FSIP1: variants seen among roughly 807,000 people sequenced by gnomAD.
The protein encoded by FSIP1 is fibrous sheath-interacting protein 1.
A neutral mutation model predicts 60.9 loss-of-function variants in FSIP1; 65 were observed. The ratio of observed to expected loss-of-function variants is 1.07; its 90% CI spans 0.87 to 1.31. FSIP1 has a LOEUF of 1.31. Among genes scored for constraint, FSIP1 ranks in the 40% most tolerant of loss-of-function variants. The pLI is 0.00. For synonymous variants in FSIP1, 209 were observed against 221.2 expected, an observed-to-expected ratio of 0.94 and a Z score of 0.49; for missense variants, 675 against 665.5, an observed-to-expected ratio of 1.01 and a Z score of -0.16.
At chr15:39,774,556 C>T (rs910482335) in intron 2 of FSIP1, among the ~76,000 whole-genome samples, 3 of 151,636 alleles carry the variant, frequency 2.0e-5, no homozygotes, top group African/African-American at 2.4e-5. Flanking sequence ...TATGGAAGAG[C>T]CACTATCAGA....
At chr15:39,623,360 G>T (rs1189463391) in intron 10 of FSIP1, among the ~76,000 whole-genome samples, 1 of 152,140 alleles carries the variant, frequency 6.6e-6, no homozygotes, top group African/African-American at 2.4e-5. Context: ...CTTACTTCGG[G>T]TGTTTTTTAT....
At chr15:39,621,056 T>TAAAAA (rs369925726) in intron 10 of FSIP1, among the ~76,000 whole-genome samples, 1 of 134,802 alleles carries the variant, frequency 7.4e-6, no homozygotes, top group African/African-American at 2.7e-5. Context: ...GGGCATTTCT[T>TAAAAA]AAAAAAAAAA....
At chr15:39,698,013 C>T (rs1383730612) in intron 10 of FSIP1, among the ~76,000 whole-genome samples, 1 of 151,590 alleles carries the variant, frequency 6.6e-6, no homozygotes, top group Non-Finnish European at 1.5e-5. Context: ...AAAAAATAAA[C>T]CAATGTATCT....
intron 11 of FSIP1, among the ~76,000 whole-genome samples, chr15:39,607,581 A>G (rs1200312201): frequency 6.6e-6 from 1 of 152,232 alleles, no homozygotes; most frequent in East Asian, 1.9e-4. Context: ...AACATTGATA[A>G]TGTGTTTCAC....
intron 10 of FSIP1, among the ~76,000 whole-genome samples, chr15:39,711,830 G>A (rs775140143): frequency 1.3e-5 from 2 of 151,722 alleles, no homozygotes; most frequent in African/African-American, 2.4e-5. Flanking sequence ...GACTACGGGC[G>A]CACACTGCCA....
At chr15:39,663,227 A>G (rs541451694) in intron 10 of FSIP1, among the ~76,000 whole-genome samples, 1 of 152,320 alleles carries the variant, frequency 6.6e-6, no homozygotes, top group African/African-American at 2.4e-5. Flanking sequence ...CGAGTAGCGC[A>G]CATTATTAAA....
chr15:39,666,425 A>G (rs1893497228), intron 10 of FSIP1, among the ~76,000 whole-genome samples: 1 of 152,212 alleles, frequency 6.6e-6, no homozygotes, highest in Non-Finnish European at 1.5e-5. Context: ...TTTTTCATCC[A>G]TTCGTTCAGG....
intron 10 of FSIP1, among the ~76,000 whole-genome samples, chr15:39,687,136 CCTTTTT>C (rs1166180312): frequency 3.1e-4 from 15 of 47,706 alleles, no homozygotes; most frequent in African/African-American, 7.0e-4. Flanking sequence ...CTTTTCTTTT[CCTTTTT>C]TTTTTTTTTT....
At chr15:39,655,951 T>G (rs1359673304) in intron 10 of FSIP1, among the ~76,000 whole-genome samples, 1 of 152,092 alleles carries the variant, frequency 6.6e-6, no homozygotes, top group Admixed American at 6.5e-5. Context: ...AAAGAAGTGT[T>G]CAGGAAGAAT....
At chr15:39,768,967 T>C (rs528611793) in intron 3 of FSIP1, among the ~76,000 whole-genome samples, 38 of 152,332 alleles carry the variant, frequency 2.5e-4, no homozygotes. Context: ...TCAGTTAATA[T>C]TGCCACCAAT....
intron 10 of FSIP1, among the ~76,000 whole-genome samples, chr15:39,678,018 C>T (rs909716915): frequency 8.0e-5 from 12 of 150,566 alleles, no homozygotes; most frequent in African/African-American, 1.2e-4. Flanking sequence ...AGTCTGTTTA[C>T]GAAGTATAAT....
At chr15:39,673,511 C>T (rs1001225344) in intron 10 of FSIP1, among the ~76,000 whole-genome samples, 3 of 152,038 alleles carry the variant, frequency 2.0e-5, no homozygotes, top group Admixed American at 6.5e-5. Context: ...GACGAGGTCT[C>T]GCTTTGTTTG....
intron 1 of FSIP1, among the ~76,000 whole-genome samples, chr15:39,779,264 A>G (rs1898167047): frequency 6.6e-6 from 1 of 152,214 alleles, no homozygotes; most frequent in Non-Finnish European, 1.5e-5. Context: ...CCTGCTTTAA[A>G]AAGTCCAACT....
At chr15:39,780,517 G>T (rs2631718) in intron 1 of FSIP1, among the ~76,000 whole-genome samples, 1 of 152,230 alleles carries the variant, frequency 6.6e-6, no homozygotes, top group Non-Finnish European at 1.5e-5. Flanking sequence ...GAGACTCCGT[G>T]TCAAAAAAAG....
chr15:39,713,428 A>G lies in FSIP1; in HGVS notation c.1188+16T>C, dbSNP rs751487795. ...TTTTTTTCTTAAAAAAAATTAATTAAAACAAAAAGACTTACCACATTTTCC... is the reference window on the plus strand; with the variant it reads ...TTTTTTTCTTAAAAAAAATTAATTAGAACAAAAAGACTTACCACATTTTCC... On this transcript the variant is annotated intron_variant, in intron 10 of 11. Coordinates refer to ENST00000350221, the MANE Select transcript of FSIP1 (RefSeq NM_152597.5). 121 of 1,574,914 alleles carry G rather than the reference A, an allele frequency of 7.7e-5. No individual in the cohort carries two copies. Among genetic ancestry groups the G allele is most frequent in the Non-Finnish European group, 9.9e-5 (115 of 1,167,118 alleles).
Position 39,638,622 on chromosome 15 carries a change from G to A in FSIP1, c.1189-20377C>T, listed in dbSNP as rs531341079. Among the ~76,000 whole-genome samples the A allele has an allele frequency of 3.9e-5, 6 of 152,308 alleles. No individual in the cohort carries two copies. In the South Asian group the frequency reaches 1.2e-3, roughly 32 times the overall value. ...TCCATTTGTTAACATTTGGATATAT[G>A]CATCCATTTCACTGTGTGTGTTTTG... On this transcript the variant is annotated intron_variant, in intron 10 of 11. Transcript: ENST00000350221.
At chr15:39,686,387 ATTTC>A (rs1894374880) in intron 10 of FSIP1, among the ~76,000 whole-genome samples, 1 of 152,266 alleles carries the variant, frequency 6.6e-6, no homozygotes, top group African/African-American at 2.4e-5. Context: ...TTTCCCATTA[ATTTC>A]TACATCTAAG....
intron 8 of FSIP1, among the ~76,000 whole-genome samples, chr15:39,731,485 T>C (rs1896400886): frequency 6.6e-6 from 1 of 152,164 alleles, no homozygotes; most frequent in Non-Finnish European, 1.5e-5. Context: ...AAATTTTAAG[T>C]TCTGTCTGAA....
chr15:39,750,834 A>G (rs1443309963), intron 5 of FSIP1, among the ~76,000 whole-genome samples: 1 of 151,956 alleles, frequency 6.6e-6, no homozygotes, highest in Non-Finnish European at 1.5e-5. Flanking sequence ...GGAAACAATC[A>G]ATAAAAGAAA....
Sources: gnomAD v4.1 joint callset for allele counts (sites outside exome capture counted in the v4.1 genomes callset) on GRCh38, gnomAD v4.1.1 for gene constraint, MANE v1.5 for transcripts, NCBI Gene and HGNC (gene_info 2026-07-23, HGNC 2026-07-21) for gene names.